Variants in CSF2RA observed in about 807,000 individuals in gnomAD.
The protein encoded by CSF2RA is colony stimulating factor 2 receptor subunit alpha.
Under a neutral mutation model 51.6 loss-of-function variants are expected in CSF2RA, and 42 were observed. The observed-to-expected ratio is 0.81, with a 90% CI of 0.64 to 1.05. The LOEUF (loss-of-function observed/expected upper bound fraction) is 1.05. CSF2RA is among the 50% of genes least tolerant of loss of function. CSF2RA has a pLI of 0.00. For missense variants in CSF2RA, 530 were observed against 501.1 expected, an observed-to-expected ratio of 1.06 and a Z score of -0.55; for synonymous variants, 222 against 193.0, an observed-to-expected ratio of 1.15 and a Z score of -1.24.
At chrX:1,286,694 GT>G (rs1356160083) in intron 4 of CSF2RA, among the ~76,000 whole-genome samples, 1 of 152,194 alleles carries the variant, frequency 6.6e-6, no homozygotes, top group East Asian at 1.9e-4. Context: ...GGAAAGTGCT[GT>G]TAGCTCATGT....
rs139455405 is a variant in CSF2RA, at chrX:1,282,830, C to T, written c.76+51C>T. The T allele has an allele frequency of 5.0e-4, 733 of 1,459,374 alleles. 3 individuals are homozygous for T. The African/African-American group carries it at 9.0e-3, about 18-fold the overall frequency. The allele number at this position is 1,459,374 out of a possible 1,614,324, so 90.4% of individuals were successfully genotyped here. A position where few individuals can be genotyped will look rare whatever the true frequency, so the allele number is the denominator to read the frequency against. On this transcript the variant is annotated intron_variant, in intron 3 of 12. Transcript: ENST00000381529. ...TTCTCCGCGGCCCCTGTTTAGATGT[C>T]CTGCATCTGGAGACCCATCTGGATA...
chrX:1,303,407 G>A, intron 10 of CSF2RA: 1 of 422,156 alleles, frequency 2.4e-6, no homozygotes, highest in Non-Finnish European at 4.2e-6. Flanking sequence ...GGCTAATTTT[G>A]TATTTTTTTT....
At chrX:1,314,331 CCCAACCCCA>C (rs1447407509), downstream of CSF2RA, among the ~76,000 whole-genome samples, 50 of 135,840 alleles carry the variant, frequency 3.7e-4, no homozygotes, top group East Asian at 5.5e-3. Flanking sequence ...ACTGCACCTG[CCCAACCCCA>C]CTGCGCCTGC....
At chrX:1,269,651 TGAAAAGAGA>T (rs2088109469) in intron 1 of CSF2RA, among the ~76,000 whole-genome samples, 1 of 50,482 alleles carries the variant, frequency 2.0e-5, no homozygotes. Flanking sequence ...AAAAAAGAGA[TGAAAAGAGA>T]TGAACGCAGA....
At chrX:1,323,077 C>T in the CSF2RA span, among the ~76,000 whole-genome samples, 20 of 151,468 alleles carry the variant, frequency 1.3e-4, no homozygotes, top group Non-Finnish European at 2.7e-4. Context: ...TGCAGTGAGC[C>T]GAGATCGCGC....
chrX:1,280,574 T>C (rs1219889384), intron 2 of CSF2RA, among the ~76,000 whole-genome samples: 3 of 152,090 alleles, frequency 2.0e-5, no homozygotes, highest in African/African-American at 4.8e-5. Flanking sequence ...TAAATGAATT[T>C]AAACATTTTC....
chrX:1,271,011 C>G, intron 1 of CSF2RA, among the ~76,000 whole-genome samples: 1 of 151,026 alleles, frequency 6.6e-6, no homozygotes, highest in East Asian at 1.9e-4. Flanking sequence ...GTAAGATTCC[C>G]CCATCCCTCG....
downstream of CSF2RA, among the ~76,000 whole-genome samples, chrX:1,314,981 ATCGCACTGCACCTGC>A (rs1569515176): frequency 1.8e-5 from 2 of 112,510 alleles, no homozygotes; most frequent in African/African-American, 3.3e-5. Flanking sequence ...TGCCTGCCCA[ATCGCACTGCACCTGC>A]CCAACCCCAC....
the CSF2RA span, among the ~76,000 whole-genome samples, chrX:1,323,883 G>A: frequency 9.2e-3 from 1,396 of 151,954 alleles, 20 homozygotes; most frequent in African/African-American, 0.032. Context: ...GCGTGGTGGT[G>A]GGCGCCTGTA....
the CSF2RA span, among the ~76,000 whole-genome samples, chrX:1,324,611 G>C: frequency 6.6e-6 from 1 of 151,926 alleles, no homozygotes; most frequent in Non-Finnish European, 1.5e-5. Context: ...AGAAAAGCAA[G>C]AAAGGAAAGA....
At chrX:1,288,445 G>T in intron 4 of CSF2RA, 74 bp from the exon 5 acceptor site, 1 of 1,599,688 alleles carries the variant, frequency 6.3e-7, no homozygotes, top group African/African-American at 1.3e-5. Context: ...TCACGCCACT[G>T]CACTCCAGCC....
chrX:1,278,617 C>T (rs1195628090), intron 2 of CSF2RA, among the ~76,000 whole-genome samples: 4 of 143,080 alleles, frequency 2.8e-5, no homozygotes, highest in Admixed American at 1.4e-4. Context: ...ACTTGGGAGA[C>T]GGAGGTTGCA....
At chrX:1,317,283 T>C in the CSF2RA span, among the ~76,000 whole-genome samples, 1 of 82,312 alleles carries the variant, frequency 1.2e-5, no homozygotes, top group Non-Finnish European at 2.4e-5. Flanking sequence ...CAGAGTCTTG[T>C]TCTTGTCGCC....
chrX:1,317,708 C>T, the CSF2RA span, among the ~76,000 whole-genome samples: 8 of 151,730 alleles, frequency 5.3e-5, no homozygotes, highest in Admixed American at 3.3e-4. Flanking sequence ...TGAAGACCCA[C>T]GCTCCCAGGG....
In CSF2RA at chrX:1,290,027, GTGTTT is replaced by G. The variant is rs762985677; in HGVS notation, c.474-296_474-292del. 0.15 allele frequency among the ~76,000 whole-genome samples: 16,654 copies of G among 111,924 alleles called. 1,113 individuals are homozygous for G. Among genetic ancestry groups the G allele is most frequent in the South Asian group, 0.28 (1,006 of 3,568 alleles). The allele number at this position is 111,924 out of a possible 152,430, so 73.4% of individuals were successfully genotyped here. ...GTTTTGTGTTTTGTTTTGTGTTTTT[GTGTTT>G]TGTTTTGTTTTGTGTTTTTGTTTTG... On this transcript the variant is annotated intron_variant, in intron 6 of 12. Transcript: ENST00000381529.
At chrX:1,280,961 CCTT>C (rs2089903482) in intron 2 of CSF2RA, among the ~76,000 whole-genome samples, 21 of 69,680 alleles carry the variant, frequency 3.0e-4, no homozygotes, top group African/African-American at 7.4e-4. Context: ...TCCTCCTCCT[CCTT>C]CTCCTCCTCC....
intron 10 of CSF2RA, among the ~76,000 whole-genome samples, chrX:1,303,574 C>T (rs1284501634): frequency 6.6e-6 from 1 of 152,014 alleles, no homozygotes; most frequent in Non-Finnish European, 1.5e-5. Context: ...CGGGGTTTCA[C>T]CATGTTGGTC....
intron 1 of CSF2RA, among the ~76,000 whole-genome samples, chrX:1,270,945 G>T (rs187979873): frequency 6.6e-6 from 1 of 151,360 alleles, no homozygotes; most frequent in African/African-American, 2.4e-5. Flanking sequence ...GGAAGGCTGA[G>T]GTGACAGAGG....
intron 9 of CSF2RA, 74 bp from the exon 10 acceptor site, chrX:1,300,417 A>T: frequency 1.3e-6 from 2 of 1,557,744 alleles, no homozygotes; most frequent in South Asian, 2.4e-5. Context: ...CTTAAAAGAC[A>T]AAAGAACGAA....
Sources: gnomAD v4.1 joint callset for allele counts (sites outside exome capture counted in the v4.1 genomes callset) on GRCh38, gnomAD v4.1.1 for gene constraint, MANE v1.5 for transcripts, NCBI Gene and HGNC (gene_info 2026-07-23, HGNC 2026-07-21) for gene names.